WWOX: variants seen among roughly 807,000 people sequenced by gnomAD.
The protein encoded by WWOX is WW domain containing oxidoreductase.
WWOX carries 69 observed loss-of-function variants against 46.2 expected under a neutral mutation model. The observed-to-expected ratio is 1.49, with a 90% CI of 1.23 to 1.82. The LOEUF (loss-of-function observed/expected upper bound fraction) is 1.82, where lower values mean the gene tolerates loss of function less well. WWOX is among the 40% of genes most tolerant of loss of function. The probability of loss-of-function intolerance (pLI) is 0.00; values close to 1 mark genes in which losing one functional copy is unlikely to be tolerated. For synonymous variants in WWOX, 359 were observed against 202.6 expected (o/e 1.77, Z -6.56); for missense variants, 919 against 542.6 (o/e 1.69, Z -6.89).
In WWOX at chr16:78,299,559, C is replaced by G. The variant is rs1271969449; in HGVS notation, c.517-87301C>G. On this transcript the variant is annotated intron_variant, in intron 5 of 8. Coordinates refer to ENST00000566780, the MANE Select transcript of WWOX (RefSeq NM_016373.4). Reference sequence around the variant, plus strand: ...TTGGAGACAGTGTCTTGCTCTGTCACCCAGCCTGGAGTGCAGTGGCGAGAT... The same window carrying G: ...TTGGAGACAGTGTCTTGCTCTGTCAGCCAGCCTGGAGTGCAGTGGCGAGAT... Among the ~76,000 whole-genome samples, 4 of 150,178 alleles carry G rather than the reference C, an allele frequency of 2.7e-5. No homozygotes were observed. In the East Asian group the frequency reaches 7.8e-4, roughly 29 times the overall value.
chr16:78,531,670 C>A (rs868271801), intron 8 of WWOX, among the ~76,000 whole-genome samples: 2 of 151,938 alleles, frequency 1.3e-5, no homozygotes, highest in Non-Finnish European at 2.9e-5. Flanking sequence ...TGGTGAAACC[C>A]TGTCTCTACT....
intron 8 of WWOX, among the ~76,000 whole-genome samples, chr16:79,134,092 T>G (rs1189956952): frequency 6.6e-6 from 1 of 150,980 alleles, no homozygotes; most frequent in African/African-American, 2.5e-5. Context: ...TGGGCCTGTG[T>G]TTTTTTTTAA....
intron 8 of WWOX, among the ~76,000 whole-genome samples, chr16:78,598,514 G>A (rs1170733691): frequency 6.6e-6 from 1 of 152,124 alleles, no homozygotes; most frequent in Non-Finnish European, 1.5e-5. Flanking sequence ...GATATTTCTT[G>A]CCATGGCGAG....
At chr16:78,663,328 A>G (rs575728444) in intron 8 of WWOX, among the ~76,000 whole-genome samples, 1 of 152,302 alleles carries the variant, frequency 6.6e-6, no homozygotes, top group African/African-American at 2.4e-5. Context: ...TGTTGGTGCA[A>G]TCACTTTTGA....
At chr16:78,588,072 C>T (rs1422016559) in intron 8 of WWOX, among the ~76,000 whole-genome samples, 1 of 152,148 alleles carries the variant, frequency 6.6e-6, no homozygotes, top group East Asian at 1.9e-4. Context: ...TGGTCACAGC[C>T]CTGCTTTGTG....
chr16:78,719,044 C>G (rs1184727032), intron 8 of WWOX, among the ~76,000 whole-genome samples: 2 of 152,134 alleles, frequency 1.3e-5, no homozygotes. Flanking sequence ...ACAAGTAGAA[C>G]TTAGTTCCAA....
chr16:78,318,449 T>C (rs1414018582), intron 5 of WWOX, among the ~76,000 whole-genome samples: 2 of 151,494 alleles, frequency 1.3e-5, no homozygotes, highest in African/African-American at 4.8e-5. Flanking sequence ...AAAATAATAT[T>C]ATTCTGTTGT....
chr16:78,144,452 TATATATATATA>T lies in WWOX; in HGVS notation c.410-19730_410-19720del, dbSNP rs2034106191. Among the ~76,000 whole-genome samples, 3 of 33,414 alleles carry T rather than the reference TATATATATATA, an allele frequency of 9.0e-5. 1 individual carries two copies. Among genetic ancestry groups the T allele is most frequent in the African/African-American group, 3.5e-4 (3 of 8,664 alleles). The allele number at this position is 33,414 out of a possible 152,430, so 21.9% of individuals were successfully genotyped here. A position where few individuals can be genotyped will look rare whatever the true frequency, so the allele number is the denominator to read the frequency against. On this transcript the variant is annotated intron_variant, in intron 4 of 8. Coordinates refer to ENST00000566780, the MANE Select transcript of WWOX (RefSeq NM_016373.4). ...TACTATATATATATATATATACACA[TATATATATATA>T]CACACATATATATATATATATATAC...
In WWOX at chr16:79,138,780, C is replaced by G. The variant is rs1478638979; in HGVS notation, c.1057-72828C>G. Among the ~76,000 whole-genome samples the G allele has an allele frequency of 2.0e-5, 3 of 152,166 alleles. No individual in the cohort carries two copies. The East Asian group carries it at 5.8e-4, about 29-fold the overall frequency. ...AGGGTGAGACTGACATCTCATTTCTCTTTGCAGTCACAGCAGAGATGCAGG... is the reference window on the plus strand; with the variant it reads ...AGGGTGAGACTGACATCTCATTTCTGTTTGCAGTCACAGCAGAGATGCAGG... On this transcript the variant is annotated intron_variant, in intron 8 of 8. Coordinates refer to ENST00000566780, the MANE Select transcript of WWOX (RefSeq NM_016373.4).
chr16:78,296,291 CT>C (rs2079942824), intron 5 of WWOX, among the ~76,000 whole-genome samples: 1 of 151,672 alleles, frequency 6.6e-6, no homozygotes, highest in Admixed American at 6.6e-5. Flanking sequence ...GGTAATAATA[CT>C]TTTTTACATT....
At chr16:78,998,415 A>G (rs920960786) in intron 8 of WWOX, among the ~76,000 whole-genome samples, 1 of 152,132 alleles carries the variant, frequency 6.6e-6, no homozygotes, top group Non-Finnish European at 1.5e-5. Flanking sequence ...AAGATGCTCC[A>G]CATGTGTTTG....
At chr16:78,663,179 G>GACA (rs1388623118) in intron 8 of WWOX, among the ~76,000 whole-genome samples, 1 of 152,102 alleles carries the variant, frequency 6.6e-6, no homozygotes, top group East Asian at 1.9e-4. Context: ...CCGATCTCTT[G>GACA]ACAACTACTC....
At chr16:79,154,519 AAG>A (rs1244940456) in intron 8 of WWOX, among the ~76,000 whole-genome samples, 6 of 150,130 alleles carry the variant, frequency 4.0e-5, no homozygotes, top group Non-Finnish European at 5.9e-5. Context: ...AAAAAAAAAA[AAG>A]AGGTGAATTT....
chr16:78,884,294 C>A (rs66819314), intron 8 of WWOX, among the ~76,000 whole-genome samples: 16,289 of 65,752 alleles, frequency 0.25, 1,370 homozygotes, highest in Non-Finnish European at 0.29. Flanking sequence ...AAAAAAAAAA[C>A]AAAAGACCAT....
chr16:78,324,965 C>T (rs1465462286), intron 5 of WWOX, among the ~76,000 whole-genome samples: 2 of 152,174 alleles, frequency 1.3e-5, no homozygotes, highest in Non-Finnish European at 2.9e-5. Flanking sequence ...CTGAAAGTGT[C>T]AATTAATCTT....
intron 5 of WWOX, among the ~76,000 whole-genome samples, chr16:78,314,405 CA>C (rs56032982): frequency 0.41 from 41,002 of 101,158 alleles, 7,151 homozygotes; most frequent in East Asian, 0.58. Flanking sequence ...GACTCTGTCT[CA>C]AAAAAAAAAA....
At chr16:78,761,900 C>T (rs1352851215) in intron 8 of WWOX, among the ~76,000 whole-genome samples, 1 of 152,144 alleles carries the variant, frequency 6.6e-6, no homozygotes, top group Non-Finnish European at 1.5e-5. Context: ...AGTGCTTTAT[C>T]TCCTTGTGTG....
intron 8 of WWOX, among the ~76,000 whole-genome samples, chr16:78,642,918 C>A (rs143810173): frequency 6.6e-6 from 1 of 152,170 alleles, no homozygotes; most frequent in East Asian, 1.9e-4. Context: ...GTGTAAAATC[C>A]TGGGATGATA....
intron 8 of WWOX, among the ~76,000 whole-genome samples, chr16:79,185,337 G>A (rs1265132237): frequency 1.3e-5 from 2 of 152,196 alleles, no homozygotes; most frequent in Admixed American, 6.5e-5. Flanking sequence ...CGCTTTGGTG[G>A]CAGGCAGTTC....
Sources: gnomAD v4.1 joint callset for allele counts (sites outside exome capture counted in the v4.1 genomes callset) on GRCh38, gnomAD v4.1.1 for gene constraint, MANE v1.5 for transcripts, NCBI Gene and HGNC (gene_info 2026-07-23, HGNC 2026-07-21) for gene names.